SLC19A1: variants seen among roughly 807,000 people sequenced by gnomAD.
SLC19A1 encodes solute carrier family 19 member 1, also known as reduced folate transporter.
In SLC19A1, 37 loss-of-function variants were observed where a neutral mutation model predicts 35.3. The observed-to-expected ratio is 1.05, with a 90% CI of 0.81 to 1.38. SLC19A1 has a LOEUF of 1.38. Among genes scored for constraint, SLC19A1 ranks in the 40% most tolerant of loss-of-function variants. The probability of loss-of-function intolerance (pLI) is 0.00; values close to 1 mark genes in which losing one functional copy is unlikely to be tolerated. For synonymous variants in SLC19A1, 460 were observed against 398.5 expected (o/e 1.15, Z -1.84); for missense variants, 831 against 826.9 (o/e 1.00, Z -0.06).
At chr21:45,527,801 G>A (rs894406304) in intron 4 of SLC19A1, among the ~76,000 whole-genome samples, 4 of 151,728 alleles carry the variant, frequency 2.6e-5, no homozygotes, top group Non-Finnish European at 4.4e-5. Context: ...GGCGGGCCCT[G>A]GAGGTGAGCG....
At chr21:45,561,066 T>A (rs2078611099) in intron 1 of SLC19A1, among the ~76,000 whole-genome samples, 1 of 152,200 alleles carries the variant, frequency 6.6e-6, no homozygotes, top group Non-Finnish European at 1.5e-5. Context: ...TAATCCACTT[T>A]CCCTGCCTTG....
chr21:45,522,631 C>T (rs1212330476), intron 5 of SLC19A1, among the ~76,000 whole-genome samples: 1 of 152,130 alleles, frequency 6.6e-6, no homozygotes, highest in Admixed American at 6.5e-5. Flanking sequence ...GTACCTACAC[C>T]CTGGAACAGC....
downstream of SLC19A1, among the ~76,000 whole-genome samples, chr21:45,510,648 C>T (rs543087291): frequency 6.2e-4 from 95 of 152,344 alleles, no homozygotes; most frequent in African/African-American, 2.1e-3. Context: ...GGGCTGGTGG[C>T]CCCTCTGCCA....
chr21:45,505,352 C>T, intron 3 of SLC19A1: 1 of 1,594,492 alleles, frequency 6.3e-7, no homozygotes, highest in South Asian at 1.1e-5. Flanking sequence ...GGTTTCTCTC[C>T]TGCAGCTATC....
downstream of SLC19A1, among the ~76,000 whole-genome samples, chr21:45,509,061 G>T (rs141827915): frequency 3.9e-5 from 6 of 152,110 alleles, no homozygotes; most frequent in Non-Finnish European, 4.4e-5. Flanking sequence ...AATTGGAGCC[G>T]CGGCAAAGGA....
rs116416605 is a variant in SLC19A1 at position 45,507,348 on chromosome 21, G to A, written c.498-8736C>T. On this transcript the variant is annotated intron_variant, in intron 3 of 4. Coordinates refer to the SLC19A1 transcript ENST00000417954. ...CTGGCAGGGCCGGGTGCTGGGCAGG[G>A]AGGGCACCCTGCTGTGGACTGGGAG... 72,542 of 622,028 alleles carry A rather than the reference G, an allele frequency of 0.12. 4,393 individuals carry two copies. Among genetic ancestry groups the A allele is most frequent in the Admixed American group, 0.16 (6,559 of 40,496 alleles). 38.5% of individuals were successfully genotyped at this position (622,028 alleles called of 1,614,324 possible). A position where few individuals can be genotyped will look rare whatever the true frequency, so the allele number is the denominator to read the frequency against.
rs1569031813 is a variant in SLC19A1 at position 45,555,172 on chromosome 21, AGGGGGCGGT to A, written c.-50+7561_-50+7569del. Among the ~76,000 whole-genome samples the A allele has an allele frequency of 7.8e-5, 2 of 25,622 alleles. 1 individual carries two copies. Among genetic ancestry groups the A allele is most frequent in the East Asian group, 2.4e-3 (2 of 840 alleles). The allele number at this position is 25,622 out of a possible 152,430, so 16.8% of individuals were successfully genotyped here. A position where few individuals can be genotyped will look rare whatever the true frequency, so the allele number is the denominator to read the frequency against. On this transcript the variant is annotated intron_variant, in intron 1 of 5. Coordinates refer to the SLC19A1 transcript ENST00000650808. ...GTGCAGGGGGCGGCGGGGGCGGCGC[AGGGGGCGGT>A]GCAGGGGGCGGCGGGGGCGGCGCAG...
intron 3 of SLC19A1, chr21:45,507,538 G>T: frequency 1.2e-6 from 2 of 1,610,566 alleles, no homozygotes; most frequent in Non-Finnish European, 1.7e-6. Context: ...CAGGTCCTGG[G>T]TGACCCTGCT....
At chr21:45,548,867 C>T (rs563857640), upstream of SLC19A1, among the ~76,000 whole-genome samples, 2 of 152,276 alleles carry the variant, frequency 1.3e-5, no homozygotes, top group Non-Finnish European at 2.9e-5. Flanking sequence ...CCAAACCACT[C>T]CTACTATAAA....
rs1303125719 is a variant in SLC19A1 at position 45,512,627 on chromosome 21, CCT to C, written c.*3029_*3030del. ...TGACATTCACCTGCCCCAACTCTCC[CCT>C]GACCTGTGAGCCCAGCTGGGTCAGG... is the stretch of plus-strand genomic sequence containing the variant. On this transcript the variant is annotated 3_prime_UTR_variant, in exon 6 of 6. Transcript: ENST00000311124. 2 of 590,228 alleles carry C rather than the reference CCT, an allele frequency of 3.4e-6. No homozygotes were observed. The highest frequency in any genetic ancestry group is 2.9e-5 in the East Asian group (1 of 34,550). 36.6% of individuals were successfully genotyped at this position (590,228 alleles called of 1,614,324 possible).
intron 3 of SLC19A1, chr21:45,504,708 ACGCAG>A: frequency 1.4e-6 from 1 of 703,870 alleles, no homozygotes; most frequent in Non-Finnish European, 2.4e-6. Context: ...CCGTGTGGGG[ACGCAG>A]CAGGCCACAT....
chr21:45,508,516 T>G (rs4364095), downstream of SLC19A1, among the ~76,000 whole-genome samples: 37 of 145,828 alleles, frequency 2.5e-4, no homozygotes, highest in East Asian at 1.2e-3. Context: ...GTAAGTGGGT[T>G]AGTGGATGGG....
Position 45,534,429 on chromosome 21 carries a change from T to C in SLC19A1, c.190-2281A>G, listed in dbSNP as rs2330184. 641,756 of 884,998 alleles carry C rather than the reference T, an allele frequency of 0.73. 233,986 individuals are homozygous for C. The highest frequency in any genetic ancestry group is 0.75 in the South Asian group (48,073 of 63,824). The allele number at this position is 884,998 out of a possible 1,614,324, so 54.8% of individuals were successfully genotyped here. ...CCCAGCCCCTGGCCGGGGCACAGGT[T>C]CTGCCCACAGCCCAGAGTCAAAATG... On this transcript the variant is annotated intron_variant, in intron 2 of 5. Transcript: ENST00000311124. This position sits in a 1 kb window ranked among gnomAD's most constrained non-coding sequence, Gnocchi z 4.2.
At chr21:45,535,450 C>CAGGAA (rs1333031279) in intron 2 of SLC19A1, among the ~76,000 whole-genome samples, 5 of 152,238 alleles carry the variant, frequency 3.3e-5, no homozygotes, top group Non-Finnish European at 5.9e-5. Context: ...GGACAGCAAC[C>CAGGAA]ACAGGGCTGC....
intron 2 of SLC19A1, among the ~76,000 whole-genome samples, chr21:45,537,283 G>T (rs977372078): frequency 6.6e-6 from 1 of 152,120 alleles, no homozygotes; most frequent in African/African-American, 2.4e-5. Context: ...GGGAGTGTGA[G>T]ACCCCAGCCG....
chr21:45,516,164 C>T (rs771926531), intron 5 of SLC19A1, 24 bp from the exon 6 acceptor site: 22 of 1,190,616 alleles, frequency 1.8e-5, no homozygotes, highest in African/African-American at 7.6e-5. Context: ...CCGGGTGAGG[C>T]GGGTGGGGAG....
chr21:45,516,250 C>T (rs1052850818), intron 5 of SLC19A1, 110 bp from the exon 6 acceptor site: 49 of 832,120 alleles, frequency 5.9e-5, no homozygotes, highest in Non-Finnish European at 8.5e-5. Context: ...CAGAGGCTGA[C>T]CCTGAACACT....
At chr21:45,526,626 C>T (rs2077629848) in intron 4 of SLC19A1, among the ~76,000 whole-genome samples, 1 of 152,212 alleles carries the variant, frequency 6.6e-6, no homozygotes, top group South Asian at 2.1e-4. Context: ...CCCAGGCGTG[C>T]AATGGCACAA....
downstream of SLC19A1, chr21:45,510,976 C>CA: frequency 8.4e-5 from 1 of 11,952 alleles, no homozygotes; most frequent in South Asian, 1.0e-3. Flanking sequence ...CCCCCAAACA[C>CA]CCCCCACACC....
Sources: gnomAD v4.1 joint callset for allele counts (sites outside exome capture counted in the v4.1 genomes callset) on GRCh38, gnomAD v4.1.1 for gene constraint, Gnocchi (gnomAD v3.1) non-coding constraint, MANE v1.5 for transcripts, NCBI Gene and HGNC (gene_info 2026-07-23, HGNC 2026-07-21) for gene names.